Variants in PCDHA3 observed in about 807,000 individuals in gnomAD.
The protein encoded by PCDHA3 is protocadherin alpha-3.
Under a neutral mutation model 62.2 loss-of-function variants are expected in PCDHA3, and 41 were observed. That is an observed-to-expected ratio of 0.66 (90% confidence interval 0.51 to 0.86). The LOEUF (loss-of-function observed/expected upper bound fraction) is 0.86. Among genes scored for constraint, PCDHA3 ranks in the 40% least tolerant of loss-of-function variants. The pLI is 0.00. For missense variants in PCDHA3, 1,304 were observed against 1,241.2 expected (o/e 1.05, Z -0.76); for synonymous variants, 640 against 555.4 (o/e 1.15, Z -2.14).
At chr5:140,863,307 C>G in intron 1 of PCDHA3, 1 of 1,462,496 alleles carries the variant, frequency 6.8e-7, no homozygotes. Context: ...TCGCCATCTG[C>G]GTGGTGTCCA....
intron 1 of PCDHA3, chr5:140,827,840 A>C: frequency 2.2e-6 from 1 of 457,334 alleles, no homozygotes; most frequent in Non-Finnish European, 3.8e-6. Flanking sequence ...AGAAAAGAAG[A>C]TACTGTTTTA....
chr5:140,803,585 A>G lies in PCDHA3; in HGVS notation c.2388A>G (p.Ser796=). 5.0e-6 allele frequency: 8 copies of G among 1,614,244 alleles called. No individual in the cohort carries two copies. The highest frequency in any genetic ancestry group is 6.8e-6 in the Non-Finnish European group (8 of 1,180,046). Residue 796 remains serine, a synonymous_variant, in exon 1 of 4, where the codon TCA becomes TCG. Transcript: ENST00000522353. Reference sequence around the variant, plus strand: ...AACAGGATGTGGACGTTGATCTCTCAGCCAAAGTGAGTAATTTTTATTTAT... The same window carrying G: ...AACAGGATGTGGACGTTGATCTCTCGGCCAAAGTGAGTAATTTTTATTTAT... ...EEKQDVDVDL[S]AKPRQPNPDW...
At chr5:140,806,677 A>G (rs1441336861) in intron 1 of PCDHA3, among the ~76,000 whole-genome samples, 1 of 152,258 alleles carries the variant, frequency 6.6e-6, no homozygotes, top group Non-Finnish European at 1.5e-5. Flanking sequence ...AAACCCTGGA[A>G]TTCTTGGGAA....
chr5:141,009,760 A>T lies in PCDHA3; in HGVS notation c.2676A>T (p.Gly892=), dbSNP rs782167920. The change falls in exon 4 of 4, where the codon GGA becomes GGT. Residue 892 remains glycine, a synonymous_variant. Transcript: ENST00000522353. ...TGCCCGACAAATTCATTATCCCAGG[A>T]TCTCCTGCAATCATCTCCATCCGGC... ...GELPDKFIIP[G]SPAIISIRQE... is the part of the protein sequence containing the mutation. 1.9e-6 allele frequency: 3 copies of T among 1,614,130 alleles called. No individual in the cohort carries two copies. Among genetic ancestry groups the T allele is most frequent in the Admixed American group, 3.3e-5 (2 of 60,020 alleles).
rs1459131060 is a variant in PCDHA3 at position 140,876,463 on chromosome 5, G to A, written c.2394+72872G>A. On this transcript the variant is annotated intron_variant, in intron 1 of 3. Transcript: ENST00000522353. ...CATTGATAAAGGGATTCCTTCCATG[G>A]CAGGTCACAGCATGGTCCTGGTGGA... is the stretch of plus-strand genomic sequence containing the variant. 3.7e-6 allele frequency: 6 copies of A among 1,613,896 alleles called. No homozygotes were observed. In the African/African-American group the frequency reaches 6.7e-5, roughly 18 times the overall value.
At position 140,856,102 on chromosome 5, in the gene PCDHA3, TCTC is replaced by T. The variant is rs782690525; in HGVS notation, c.2394+52515_2394+52517del. On this transcript the variant is annotated intron_variant, in intron 1 of 3. Coordinates refer to ENST00000522353, the MANE Select transcript of PCDHA3 (RefSeq NM_018906.3). Reference sequence around the variant, plus strand: ...TCCAGTGTCTGCTGCTCTCGCTTCTTCTCCTCGCAGCCTGGGAGGTGGGGAGCG... The same window carrying T: ...TCCAGTGTCTGCTGCTCTCGCTTCTTCTCGCAGCCTGGGAGGTGGGGAGCG... 5.6e-6 allele frequency: 9 copies of T among 1,597,726 alleles called. 1 individual carries two copies. The South Asian group carries it at 7.7e-5, about 14-fold the overall frequency.
At chr5:140,890,112 T>C (rs2062493777) in intron 1 of PCDHA3, among the ~76,000 whole-genome samples, 1 of 152,184 alleles carries the variant, frequency 6.6e-6, no homozygotes, top group Non-Finnish European at 1.5e-5. Flanking sequence ...CTGGATTCAA[T>C]GATGTCACTT....
chr5:140,870,537 G>C (rs575452776), intron 1 of PCDHA3: 1 of 1,614,172 alleles, frequency 6.2e-7, no homozygotes, highest in Non-Finnish European at 8.5e-7. Context: ...CAGTGTCGGC[G>C]CGGGACGCGG....
intron 1 of PCDHA3, chr5:140,852,581 TA>T (rs1417948618): frequency 2.2e-5 from 18 of 832,290 alleles, no homozygotes; most frequent in South Asian, 5.3e-5. Flanking sequence ...AAGGCTTTTT[TA>T]TTTTTTTTTT....
chr5:140,924,768 G>C lies in PCDHA3; in HGVS notation c.2395-54181G>C, dbSNP rs562954470. ...AAATTAACCGAGCATGGTGGTGCGCGCTTGTAGTCCTAGCTACTTAGGAGG... is the reference window on the plus strand; with the variant it reads ...AAATTAACCGAGCATGGTGGTGCGCCCTTGTAGTCCTAGCTACTTAGGAGG... On this transcript the variant is annotated intron_variant, in intron 1 of 3. Coordinates refer to ENST00000522353, the MANE Select transcript of PCDHA3 (RefSeq NM_018906.3). Among the ~76,000 whole-genome samples the C allele has an allele frequency of 3.9e-3, 597 of 151,896 alleles. 3 individuals are homozygous for C. The highest frequency in any genetic ancestry group is 0.014 in the African/African-American group (579 of 41,424).
intron 1 of PCDHA3, among the ~76,000 whole-genome samples, chr5:140,930,773 TA>T (rs1192170091): frequency 6.6e-6 from 1 of 152,226 alleles, no homozygotes; most frequent in East Asian, 1.9e-4. Flanking sequence ...CTGTACTTAA[TA>T]TTTTCACAAT....
At chr5:140,911,659 T>G (rs2075588861) in intron 1 of PCDHA3, among the ~76,000 whole-genome samples, 1 of 152,142 alleles carries the variant, frequency 6.6e-6, no homozygotes, top group African/African-American at 2.4e-5. Flanking sequence ...GTTACTAAAC[T>G]CCTTGCCTCT....
chr5:140,841,340 G>A lies in PCDHA3; in HGVS notation c.2394+37749G>A, dbSNP rs2150313851. On this transcript the variant is annotated intron_variant, in intron 1 of 3. Transcript: ENST00000522353. ...ATTTAACATGGATTATCACTGGCGA[G>A]GAGAGCTGGGATCCTGGCGACTACT... 11 of 1,611,670 alleles carry A rather than the reference G, an allele frequency of 6.8e-6. No individual in the cohort carries two copies. Among genetic ancestry groups the A allele is most frequent in the South Asian group, 5.5e-5 (5 of 90,928 alleles).
At chr5:140,829,891 C>T (rs1554132360) in intron 1 of PCDHA3, 6 of 1,613,952 alleles carry the variant, frequency 3.7e-6, no homozygotes, top group Admixed American at 1.7e-5. Flanking sequence ...TTGACGCCGA[C>T]TCAGGCTACA....
rs201945218 is a variant in PCDHA3 at position 140,849,444 on chromosome 5, A to C, written c.2394+45853A>C. On this transcript the variant is annotated intron_variant, in intron 1 of 3. Transcript: ENST00000522353. Reference sequence around the variant, plus strand: ...GGATTTTGAAGAAAGTAGAGCACACAAGATCCCAGTCGAGGCTGTCGATAA... The same window carrying C: ...GGATTTTGAAGAAAGTAGAGCACACCAGATCCCAGTCGAGGCTGTCGATAA... The C allele has an allele frequency of 1.8e-4, 290 of 1,585,348 alleles. 21 individuals carry two copies. The highest frequency in any genetic ancestry group is 2.4e-4 in the Non-Finnish European group (278 of 1,160,480).
intron 1 of PCDHA3, chr5:140,847,393 A>G (rs997317821): frequency 1.3e-5 from 2 of 149,740 alleles, no homozygotes; most frequent in African/African-American, 4.9e-5. Context: ...AAAAACATTA[A>G]TGGCACAATA....
intron 1 of PCDHA3, among the ~76,000 whole-genome samples, chr5:140,873,915 C>A (rs543062290): frequency 6.6e-6 from 1 of 152,284 alleles, no homozygotes; most frequent in Non-Finnish European, 1.5e-5. Flanking sequence ...CCTGCCTCAG[C>A]CTCCCAAAGT....
intron 1 of PCDHA3, chr5:140,837,222 G>A (rs1385766412): frequency 1.3e-5 from 2 of 152,114 alleles, no homozygotes; most frequent in Admixed American, 6.6e-5. Context: ...TGAATTTTAA[G>A]CATTTCTTTT....
chr5:140,874,622 A>G (rs554375384), intron 1 of PCDHA3, among the ~76,000 whole-genome samples: 5 of 152,374 alleles, frequency 3.3e-5, no homozygotes, highest in Non-Finnish European at 7.3e-5. Flanking sequence ...TAAACATTTT[A>G]CATTAAAGTG....
Sources: gnomAD v4.1 joint callset for allele counts (sites outside exome capture counted in the v4.1 genomes callset) on GRCh38, gnomAD v4.1.1 for gene constraint, MANE v1.5 for transcripts, NCBI Gene and HGNC (gene_info 2026-07-23, HGNC 2026-07-21) for gene names.